TMEM132D: variants seen among roughly 807,000 people sequenced by gnomAD.
TMEM132D encodes the protein mature OL transmembrane protein.
TMEM132D carries 21 observed loss-of-function variants against 62.3 expected under a neutral mutation model. The observed-to-expected ratio is 0.34, with a 90% CI of 0.24 to 0.49. The LOEUF is 0.49. Ranked by LOEUF, TMEM132D falls within the 20% of genes least tolerant of loss-of-function variation. The pLI is 0.99. For missense variants in TMEM132D, 1,346 were observed against 1,402.8 expected (o/e 0.96, Z 0.65); for synonymous variants, 621 against 575.6 (o/e 1.08, Z -1.13).
intron 1 of TMEM132D, among the ~76,000 whole-genome samples, chr12:129,883,251 T>A (rs551363356): frequency 6.6e-6 from 1 of 152,132 alleles, no homozygotes; most frequent in Non-Finnish European, 1.5e-5. Context: ...GAATTATAAA[T>A]TCAAATTTTT....
chr12:129,437,378 G>C (rs944614841), intron 3 of TMEM132D, among the ~76,000 whole-genome samples: 13 of 152,160 alleles, frequency 8.5e-5, no homozygotes, highest in African/African-American at 2.9e-4. Flanking sequence ...TGTCTGCTTA[G>C]AGCCACTGTA....
At chr12:129,626,012 T>C (rs1879202099) in intron 2 of TMEM132D, among the ~76,000 whole-genome samples, 1 of 152,126 alleles carries the variant, frequency 6.6e-6, no homozygotes, top group Admixed American at 6.5e-5. Flanking sequence ...ATTAGAAGCA[T>C]AGTAACTGAC....
At chr12:129,332,890 T>C (rs1256618990) in intron 4 of TMEM132D, among the ~76,000 whole-genome samples, 2 of 152,282 alleles carry the variant, frequency 1.3e-5, no homozygotes, top group East Asian at 1.9e-4. Context: ...AATTTGTGTT[T>C]AGTAGCTATA....
chr12:129,532,476 C>T (rs979932795), intron 2 of TMEM132D, among the ~76,000 whole-genome samples: 28 of 152,188 alleles, frequency 1.8e-4, no homozygotes, highest in African/African-American at 4.6e-4. Context: ...TGAGAAAAAG[C>T]AGGACACGTC....
At position 129,625,665 on chromosome 12, in the gene TMEM132D, G is replaced by A. The variant is rs915983662; in HGVS notation, c.968+74145C>T. On this transcript the variant is annotated intron_variant, in intron 2 of 8. Transcript: ENST00000422113. Reference sequence around the variant, plus strand: ...ACAGAGTGTGGATGAGATCTGTAACGCTTTAGGAATACTAGTCAAACATGA... The same window carrying A: ...ACAGAGTGTGGATGAGATCTGTAACACTTTAGGAATACTAGTCAAACATGA... Among the ~76,000 whole-genome samples the A allele has an allele frequency of 2.6e-5, 4 of 152,186 alleles. No individual in the cohort carries two copies. In the East Asian group the frequency reaches 7.7e-4, roughly 29 times the overall value.
At chr12:129,471,269 C>T (rs897754409) in intron 3 of TMEM132D, among the ~76,000 whole-genome samples, 4 of 149,644 alleles carry the variant, frequency 2.7e-5, no homozygotes, top group Non-Finnish European at 4.4e-5. Flanking sequence ...GCAAGTCTAT[C>T]GGCTCCTTAT....
At chr12:129,075,121 T>C in intron 8 of TMEM132D, 62 bp from the exon 9 acceptor site, 2 of 1,393,778 alleles carry the variant, frequency 1.4e-6, no homozygotes, top group Non-Finnish European at 2.0e-6. Flanking sequence ...CCCCAAGTCT[T>C]AGTACAGTAG....
At chr12:129,757,843 C>A (rs1223089336) in intron 1 of TMEM132D, among the ~76,000 whole-genome samples, 1 of 152,198 alleles carries the variant, frequency 6.6e-6, no homozygotes, top group Non-Finnish European at 1.5e-5. Flanking sequence ...CAGAACCTTG[C>A]TGACCTGCCC....
intron 3 of TMEM132D, among the ~76,000 whole-genome samples, chr12:129,469,823 A>G (rs1282183469): frequency 6.6e-6 from 1 of 152,250 alleles, no homozygotes; most frequent in African/African-American, 2.4e-5. Flanking sequence ...AATACAAAAA[A>G]TATTTTGCAT....
Position 129,230,116 on chromosome 12 carries a change from T to A in TMEM132D, c.1300-20453A>T, listed in dbSNP as rs570801229. On this transcript the variant is annotated intron_variant, in intron 4 of 8. Transcript: ENST00000422113. ...GTTTTAAATTGGTCACAGTCACCCA[T>A]GCATTGACTTAGACTTCATAACCTG... 1.4e-4 allele frequency among the ~76,000 whole-genome samples: 21 copies of A among 152,366 alleles called. 1 individual carries two copies. In the South Asian group the frequency reaches 3.5e-3, roughly 26 times the overall value.
chr12:129,660,468 A>G (rs1251345805), intron 2 of TMEM132D, among the ~76,000 whole-genome samples: 2 of 152,140 alleles, frequency 1.3e-5, no homozygotes, highest in Non-Finnish European at 2.9e-5. Context: ...CCTGACATGG[A>G]GAACCCTGTT....
chr12:129,212,746 A>G (rs531771250), intron 4 of TMEM132D: 1 of 152,298 alleles, frequency 6.6e-6, no homozygotes, highest in East Asian at 1.9e-4. Context: ...TCTGTGTGCC[A>G]GTAAGGATCT....
intron 3 of TMEM132D, among the ~76,000 whole-genome samples, chr12:129,362,558 A>G (rs568409068): frequency 2.0e-5 from 3 of 152,218 alleles, no homozygotes; most frequent in African/African-American, 7.2e-5. Flanking sequence ...CTGGAAATGA[A>G]GATATATTTT....
chr12:129,193,021 G>A lies in TMEM132D; in HGVS notation c.1443+16499C>T, dbSNP rs757739547. 3.9e-5 allele frequency among the ~76,000 whole-genome samples: 6 copies of A among 152,108 alleles called. No homozygotes were observed. The South Asian group carries it at 8.3e-4, about 21-fold the overall frequency. ...AAAATACAAAAAATTAGCCGAGCGC[G>A]GTGGCAGGTGCCTGTAGTCCCAGCT... On this transcript the variant is annotated intron_variant, in intron 5 of 8. Coordinates refer to ENST00000422113, the MANE Select transcript of TMEM132D (RefSeq NM_133448.3).
At chr12:129,490,806 T>C (rs1020730736) in intron 3 of TMEM132D, among the ~76,000 whole-genome samples, 1 of 151,728 alleles carries the variant, frequency 6.6e-6, no homozygotes, top group African/African-American at 2.4e-5. Flanking sequence ...CAGTCCCAAA[T>C]AGCAGCAGCT....
chr12:129,704,007 A>G (rs1312248231), intron 1 of TMEM132D, among the ~76,000 whole-genome samples: 3 of 152,194 alleles, frequency 2.0e-5, no homozygotes, highest in Non-Finnish European at 4.4e-5. Context: ...GGGACTCACA[A>G]GGGACTCAAA....
chr12:129,172,790 C>T (rs1770232042), intron 5 of TMEM132D, among the ~76,000 whole-genome samples: 1 of 152,158 alleles, frequency 6.6e-6, no homozygotes, highest in Non-Finnish European at 1.5e-5. Flanking sequence ...GTTGGTCAGG[C>T]TGGTCTCAAA....
intron 4 of TMEM132D, among the ~76,000 whole-genome samples, chr12:129,320,365 ATAAT>A (rs770292574): frequency 6.6e-6 from 1 of 152,240 alleles, no homozygotes; most frequent in Non-Finnish European, 1.5e-5. Flanking sequence ...CAGAATAATA[ATAAT>A]TAGTAGAACC....
At chr12:129,127,529 T>G (rs1876250723) in intron 5 of TMEM132D, among the ~76,000 whole-genome samples, 1 of 151,990 alleles carries the variant, frequency 6.6e-6, no homozygotes, top group Non-Finnish European at 1.5e-5. Context: ...CACAAGAAAA[T>G]CTGCCATTTA....
Sources: gnomAD v4.1 joint callset for allele counts (sites outside exome capture counted in the v4.1 genomes callset) on GRCh38, gnomAD v4.1.1 for gene constraint, MANE v1.5 for transcripts, NCBI Gene and HGNC (gene_info 2026-07-23, HGNC 2026-07-21) for gene names.